Variants in COMMD5 observed in about 807,000 individuals in gnomAD.
COMMD5 encodes COMM domain containing 5.
A neutral mutation model predicts 6.9 loss-of-function variants in COMMD5; 10 were observed. The ratio of observed to expected loss-of-function variants is 1.44; its 90% CI spans 0.89 to 2.45. The LOEUF (loss-of-function observed/expected upper bound fraction) is 2.45. Among genes scored for constraint, COMMD5 ranks in the 30% most tolerant of loss-of-function variants. The pLI, the probability that COMMD5 is intolerant of heterozygous loss-of-function variation, is 0.00. For synonymous variants in COMMD5, 127 were observed against 125.3 expected, an observed-to-expected ratio of 1.01 and a Z score of -0.09; for missense variants, 234 against 287.8, an observed-to-expected ratio of 0.81 and a Z score of 1.35.
downstream of COMMD5, among the ~76,000 whole-genome samples, chr8:144,845,365 G>C (rs114666419): frequency 9.3e-3 from 1,411 of 152,094 alleles, 25 homozygotes; most frequent in African/African-American, 0.033. Flanking sequence ...TGGGAGCTGG[G>C]GGGCCATTAC....
At chr8:144,838,858 TGTGAGCCCAGGAGGCAGAGCTTGCA>T (rs71320848), downstream of COMMD5, 74,646 of 142,056 alleles carry the variant, frequency 0.53, 21,391 homozygotes, top group Non-Finnish European at 0.62. Context: ...AGGAGAATGG[TGTGAGCCCAGGAGGCAGAGCTTGCA>T]GTGAGCCGAG....
intron 1 of COMMD5, chr8:144,842,532 C>T: frequency 6.2e-7 from 1 of 1,613,918 alleles, no homozygotes; most frequent in East Asian, 2.2e-5. Flanking sequence ...ATGAGTGTGG[C>T]AAAGGCTTTG....
At chr8:144,849,290 CAG>C (rs1470134434), downstream of COMMD5, among the ~76,000 whole-genome samples, 1 of 152,166 alleles carries the variant, frequency 6.6e-6, no homozygotes, top group Non-Finnish European at 1.5e-5. Context: ...ACCTGGAACT[CAG>C]TGAGGGTGGG....
chr8:144,841,573 G>A lies in COMMD5; in HGVS notation c.*287C>T, dbSNP rs1829914149. The A allele has an allele frequency of 4.3e-6, 7 of 1,614,178 alleles. No homozygotes were observed. The highest frequency in any genetic ancestry group is 5.1e-6 in the Non-Finnish European group (6 of 1,180,042). On this transcript the variant is annotated 3_prime_UTR_variant and NMD_transcript_variant, in exon 2 of 2. Transcript: ENST00000530332. ...CTTCCAAAATAACTGTTTGAATGAG[G>A]AGACTGTGGTTCCCAAGACCTTCAC...
chr8:144,846,574 C>T (rs1205620656), downstream of COMMD5: 2 of 182,534 alleles, frequency 1.1e-5, no homozygotes, highest in South Asian at 2.5e-4. Context: ...CCTCTCAGCC[C>T]TTAGTGGTTT....
chr8:144,841,527 G>A, exon 2 of COMMD5: 1 of 1,614,162 alleles, frequency 6.2e-7, no homozygotes. Context: ...GCAGTCCCGG[G>A]CTGAAAGTGA....
intron 1 of COMMD5, chr8:144,842,423 A>G: frequency 6.2e-7 from 1 of 1,614,102 alleles, no homozygotes; most frequent in Non-Finnish European, 8.5e-7. Context: ...ACTGGAGAGA[A>G]GCCTTATAAA....
chr8:144,849,338 C>T (rs945629404), downstream of COMMD5, among the ~76,000 whole-genome samples: 8 of 152,164 alleles, frequency 5.3e-5, no homozygotes, highest in Admixed American at 4.6e-4. Flanking sequence ...GCAGGACCCA[C>T]AAGCATGCAC....
chr8:144,843,028 A>G (rs1212226929), intron 1 of COMMD5: 1 of 1,614,242 alleles, frequency 6.2e-7, no homozygotes, highest in Admixed American at 1.7e-5. Flanking sequence ...AGACTGTGAG[A>G]AGATATTTAG....
downstream of COMMD5, among the ~76,000 whole-genome samples, chr8:144,848,494 G>A (rs1296656489): frequency 2.3e-5 from 3 of 128,944 alleles, no homozygotes; most frequent in South Asian, 5.5e-4. Flanking sequence ...TGAAACTCCC[G>A]TCTCAAAAAA....
rs938958464 is a variant in COMMD5 at position 144,851,199 on chromosome 8, G to A, written c.140C>T (p.Thr47Met). The change falls in exon 2 of 2, where the codon ACG becomes ATG. Residue 47 changes from threonine to methionine, a missense_variant. By Grantham distance (81) the Thr-to-Met change is moderately conservative (BLOSUM62 -1). Transcript: ENST00000305103. Reference sequence around the variant, plus strand: ...CACAAACTTCAGCAACTTTCTGAACGTGCTCCTGTCTAGGTCCCCTAGTAG... The same window carrying A: ...CACAAACTTCAGCAACTTTCTGAACATGCTCCTGTCTAGGTCCCCTAGTAG... Reference protein sequence around the residue: ...ARLLGDLDRSTFRKLLKFVVS... With the variant: ...ARLLGDLDRSMFRKLLKFVVS... The A allele has an allele frequency of 1.1e-5, 17 of 1,613,702 alleles. No individual in the cohort carries two copies. The highest frequency in any genetic ancestry group is 2.2e-5 in the East Asian group (1 of 44,886).
rs368962858 is a variant in COMMD5, at chr8:144,842,731, A to G, written c.*117-988T>C. The stretch of plus-strand genomic sequence containing the variant: ...CTTCAGTATGAGCACACAGCTTACA[A>G]TACATCAAAGGGTTCACACTGGAGA... On this transcript the variant is annotated intron_variant and NMD_transcript_variant, in intron 1 of 1. Coordinates refer to the COMMD5 transcript ENST00000530332. 34 of 1,613,838 alleles carry G rather than the reference A, an allele frequency of 2.1e-5. No individual in the cohort carries two copies. Among genetic ancestry groups the G allele is most frequent in the Admixed American group, 3.3e-5 (2 of 59,998 alleles).
At chr8:144,851,499 T>G in intron 1 of COMMD5, 104 bp from the exon 2 acceptor site, 1 of 778,546 alleles carries the variant, frequency 1.3e-6, no homozygotes, top group Non-Finnish European at 2.0e-6. Context: ...CAGTGTGAAC[T>G]ACCAATGACA....
At chr8:144,848,525 C>T (rs1322893098), downstream of COMMD5, among the ~76,000 whole-genome samples, 1 of 151,646 alleles carries the variant, frequency 6.6e-6, no homozygotes, top group Admixed American at 6.6e-5. Flanking sequence ...GGTATTGGAA[C>T]ACAGCCATAT....
chr8:144,844,776 T>C (rs1002042134), intron 1 of COMMD5, among the ~76,000 whole-genome samples: 1 of 122,144 alleles, frequency 8.2e-6, no homozygotes, highest in Non-Finnish European at 1.8e-5. Context: ...GAAACAAATA[T>C]GGGGAGAAGA....
downstream of COMMD5, chr8:144,846,320 G>C: frequency 1.3e-6 from 1 of 786,522 alleles, no homozygotes; most frequent in Non-Finnish European, 1.9e-6. Context: ...TCAGGGGCTG[G>C]CAAACCATTC....
chr8:144,843,206 C>A, intron 1 of COMMD5: 1 of 1,522,682 alleles, frequency 6.6e-7, no homozygotes. Flanking sequence ...GTGAATAAAC[C>A]TATAGCCTTA....
chr8:144,851,808 C>G (rs958180823), intron 1 of COMMD5, among the ~76,000 whole-genome samples: 15 of 152,096 alleles, frequency 9.9e-5, no homozygotes, highest in Non-Finnish European at 2.1e-4. Flanking sequence ...CAACAGTGGG[C>G]AAGAAGAATT....
chr8:144,845,101 T>G (rs746159684), intron 1 of COMMD5, among the ~76,000 whole-genome samples: 1 of 152,132 alleles, frequency 6.6e-6, no homozygotes, highest in Non-Finnish European at 1.5e-5. Flanking sequence ...GGATGTAATT[T>G]ATGGTGCGGG....
Sources: gnomAD v4.1 joint callset for allele counts (sites outside exome capture counted in the v4.1 genomes callset) on GRCh38, gnomAD v4.1.1 for gene constraint, MANE v1.5 for transcripts, NCBI Gene and HGNC (gene_info 2026-07-23, HGNC 2026-07-21) for gene names.